RAPGEF2: variants seen among roughly 807,000 people sequenced by gnomAD.
RAPGEF2 encodes PDZ domain containing guanine nucleotide exchange factor (GEF) 1.
RAPGEF2 carries 54 observed loss-of-function variants against 186.7 expected under a neutral mutation model. That is an observed-to-expected ratio of 0.29 (90% CI 0.23 to 0.36). The LOEUF (loss-of-function observed/expected upper bound fraction) is 0.36. RAPGEF2 is among the 10% of genes least tolerant of loss of function. RAPGEF2 has a pLI of 1.00. For synonymous variants in RAPGEF2, 712 were observed against 705.9 expected (o/e 1.01, Z -0.14); for missense variants, 1,532 against 2,045.0 (o/e 0.75, Z 4.84).
chr4:159,289,759 C>A (rs995406699), intron 7 of RAPGEF2, among the ~76,000 whole-genome samples: 1 of 152,142 alleles, frequency 6.6e-6, no homozygotes, highest in African/African-American at 2.4e-5. Flanking sequence ...GAACATCTTA[C>A]AAGAATTTCT....
chr4:159,296,236 A>C (rs952114945), intron 7 of RAPGEF2, among the ~76,000 whole-genome samples: 2 of 152,242 alleles, frequency 1.3e-5, no homozygotes, highest in African/African-American at 2.4e-5. Context: ...TCACTACCTT[A>C]AACAAATTAG....
At chr4:159,312,803 A>G (rs533208357) in intron 8 of RAPGEF2, among the ~76,000 whole-genome samples, 4 of 152,244 alleles carry the variant, frequency 2.6e-5, no homozygotes, top group Non-Finnish European at 5.9e-5. Context: ...ATTAAATCTT[A>G]TGTTCTGTGA....
chr4:159,359,626 T>C lies in RAPGEF2; in HGVS notation c.*1487T>C, dbSNP rs540499437. The C allele has an allele frequency of 6.6e-6, 1 of 152,330 alleles. No individual in the cohort carries two copies. Among genetic ancestry groups the C allele is most frequent in the South Asian group, 2.1e-4 (1 of 4,824 alleles). The allele number at this position is 152,330 out of a possible 1,614,324, so 9.4% of individuals were successfully genotyped here. A position where few individuals can be genotyped will look rare whatever the true frequency, so the allele number is the denominator to read the frequency against. ...TGATCAGTAGATAAACGTAAATAGC[T>C]TCAAATTTTAAAAGTGGAATTGCAG... On this transcript the variant is annotated 3_prime_UTR_variant, in exon 30 of 30. Coordinates refer to ENST00000691494, the MANE Select transcript of RAPGEF2 (RefSeq NM_001394067.2).
intron 1 of RAPGEF2, among the ~76,000 whole-genome samples, chr4:159,155,325 T>G (rs1744000191): frequency 6.6e-6 from 1 of 152,192 alleles, no homozygotes; most frequent in African/African-American, 2.4e-5. Context: ...CAGCCACCTT[T>G]TGCACATTTC....
At chr4:159,106,289 A>G (rs1737874579) in intron 1 of RAPGEF2, among the ~76,000 whole-genome samples, 1 of 152,216 alleles carries the variant, frequency 6.6e-6, no homozygotes, top group African/African-American at 2.4e-5. Flanking sequence ...TCGTTTGGTT[A>G]TTACTACAAA....
chr4:159,136,129 G>GT (rs1476752665), intron 1 of RAPGEF2, among the ~76,000 whole-genome samples: 1 of 152,180 alleles, frequency 6.6e-6, no homozygotes, highest in East Asian at 1.9e-4. Context: ...CAGTCCAGGT[G>GT]TACGATATTG....
At chr4:159,151,122 T>C (rs1477859641) in intron 1 of RAPGEF2, among the ~76,000 whole-genome samples, 1 of 152,238 alleles carries the variant, frequency 6.6e-6, no homozygotes, top group Admixed American at 6.5e-5. Context: ...GTGTAATTTA[T>C]GATAGAGAGT....
chr4:159,319,293 A>G (rs939678921), intron 9 of RAPGEF2, among the ~76,000 whole-genome samples: 5 of 152,212 alleles, frequency 3.3e-5, no homozygotes, highest in African/African-American at 4.8e-5. Context: ...CAGTGGCAGC[A>G]TTAGTTTCAT....
intron 7 of RAPGEF2, among the ~76,000 whole-genome samples, chr4:159,296,712 A>G (rs1762072666): frequency 6.6e-6 from 1 of 152,222 alleles, no homozygotes; most frequent in Non-Finnish European, 1.5e-5. Context: ...TAACTGGTGT[A>G]CAGGTGATCT....
intron 1 of RAPGEF2, among the ~76,000 whole-genome samples, chr4:159,164,346 A>G (rs1342724075): frequency 2.0e-5 from 3 of 146,458 alleles, no homozygotes; most frequent in Admixed American, 6.9e-5. Flanking sequence ...TAAACGGGAG[A>G]GACAGGAAGG....
chr4:159,323,043 A>C (rs2111158516), intron 10 of RAPGEF2, among the ~76,000 whole-genome samples: 1 of 152,286 alleles, frequency 6.6e-6, no homozygotes, highest in East Asian at 1.9e-4. Flanking sequence ...TTTCATATGA[A>C]AATAGAAAGT....
intron 1 of RAPGEF2, among the ~76,000 whole-genome samples, chr4:159,107,346 C>T (rs1415090332): frequency 6.6e-6 from 1 of 152,110 alleles, no homozygotes; most frequent in East Asian, 1.9e-4. Flanking sequence ...AAATTACAAA[C>T]AGCTTTTATC....
intron 3 of RAPGEF2, among the ~76,000 whole-genome samples, chr4:159,208,203 G>A (rs965772833): frequency 1.3e-5 from 2 of 152,190 alleles, no homozygotes; most frequent in African/African-American, 4.8e-5. Context: ...AAATGATTAG[G>A]TGATAGTGAT....
Position 159,350,913 on chromosome 4 carries a change from T to A in RAPGEF2, c.3865+624T>A. On this transcript the variant is annotated intron_variant, in intron 26 of 29. Transcript: ENST00000691494. ...TTCCCTAAAGGAAAGCCAAAAGGGC[T>A]TAATACATTGTTAAATTTCACTGAC... 3.0e-6 allele frequency: 3 copies of A among 991,536 alleles called. No individual in the cohort carries two copies. The South Asian group carries it at 5.2e-5, about 17-fold the overall frequency. 61.4% of individuals were successfully genotyped at this position (991,536 alleles called of 1,614,324 possible).
At chr4:159,193,287 A>G (rs1268183205) in intron 3 of RAPGEF2, 31 bp downstream of exon 3, 4 of 1,367,304 alleles carry the variant, frequency 2.9e-6, no homozygotes, top group Non-Finnish European at 3.8e-6. Flanking sequence ...TGTACAATGT[A>G]TCTAATCCAG....
In RAPGEF2 at chr4:159,356,111, C is replaced by T. The variant is rs191519893; in HGVS notation, c.4910C>T (p.Pro1637Leu). 9.7e-5 allele frequency: 157 copies of T among 1,614,166 alleles called. No individual in the cohort carries two copies. The African/African-American group carries it at 1.5e-3, about 16-fold the overall frequency. The change falls in exon 29 of 30, where the codon CCG becomes CTG. Residue 1637 changes from proline (P) to leucine (L), a missense_variant. Pro to Leu is a moderately conservative substitution (Grantham distance 98). This residue lies in a region of RAPGEF2 where 594 missense variants were observed against 608.5 expected (regional missense o/e 0.98). Coordinates refer to ENST00000691494, the MANE Select transcript of RAPGEF2 (RefSeq NM_001394067.2). ...TGGCATAAACCGAACGAGTCTGACC[C>T]GCGCCTCGCCCCCTATCAGTCCCAA... ...PQWHKPNESD[P>L]RLAPYQSQGF...
intron 7 of RAPGEF2, among the ~76,000 whole-genome samples, chr4:159,275,128 CTG>C (rs1423589077): frequency 6.7e-6 from 1 of 149,304 alleles, no homozygotes; most frequent in Non-Finnish European, 1.5e-5. Flanking sequence ...ATTGCACAGT[CTG>C]TGATACATCA....
chr4:159,121,248 TG>T (rs1214853354), intron 1 of RAPGEF2, among the ~76,000 whole-genome samples: 1 of 152,134 alleles, frequency 6.6e-6, no homozygotes, highest in Admixed American at 6.6e-5. Context: ...TTAGACTTGG[TG>T]GTACAGGGAA....
intron 4 of RAPGEF2, among the ~76,000 whole-genome samples, chr4:159,220,599 C>T (rs951980362): frequency 1.3e-5 from 2 of 152,162 alleles, no homozygotes; most frequent in African/African-American, 4.8e-5. Flanking sequence ...GTGGTCTGGA[C>T]ATACTTTTGT....
Sources: gnomAD v4.1 joint callset for allele counts (sites outside exome capture counted in the v4.1 genomes callset) on GRCh38, gnomAD v4.1.1 for gene constraint, gnomAD v4.1.1 regional missense constraint, MANE v1.5 for transcripts, NCBI Gene and HGNC (gene_info 2026-07-23, HGNC 2026-07-21) for gene names.